The following TENM1 variants were observed in gnomAD, a reference collection of about 807,000 sequenced individuals.
The protein encoded by TENM1 is teneurin-1.
In TENM1, 35 loss-of-function variants were observed where a neutral mutation model predicts 174.8. The observed-to-expected ratio is 0.20, with a 90% CI of 0.15 to 0.27. The LOEUF is 0.27. Among genes scored for constraint, TENM1 ranks in the 10% least tolerant of loss-of-function variants. TENM1 has a pLI of 1.00. For synonymous variants in TENM1, 781 were observed against 798.7 expected (o/e 0.98, Z 0.37); for missense variants, 1,633 against 2,130.1 (o/e 0.77, Z 4.59).
At chrX:125,108,377 T>C in the TENM1 span, among the ~76,000 whole-genome samples, 1 of 111,841 alleles carries the variant, frequency 8.9e-6, no homozygotes, top group Non-Finnish European at 1.9e-5. Flanking sequence ...CTCAGTTTCC[T>C]CACTTATTAA....
At chrX:124,837,529 G>C (rs1373441211) in intron 3 of TENM1, among the ~76,000 whole-genome samples, 2 of 112,217 alleles carry the variant, frequency 1.8e-5, no homozygotes, top group African/African-American at 6.5e-5. Context: ...GGAAACAAAG[G>C]CAGAAATGTT....
chrX:125,083,528 A>G, the TENM1 span, among the ~76,000 whole-genome samples: 1 of 110,324 alleles, frequency 9.1e-6, no homozygotes, highest in Admixed American at 9.7e-5. Context: ...CACACATCAT[A>G]CACACACATA....
At chrX:125,031,512 T>C in the TENM1 span, among the ~76,000 whole-genome samples, 1 of 112,186 alleles carries the variant, frequency 8.9e-6, no homozygotes, top group African/African-American at 3.2e-5. Context: ...AATTTTCATT[T>C]GTATTTTAAG....
the TENM1 span, among the ~76,000 whole-genome samples, chrX:125,148,062 T>A: frequency 9.0e-6 from 1 of 111,194 alleles, no homozygotes; most frequent in Non-Finnish European, 1.9e-5. Context: ...GGAAGAAATG[T>A]CCTCTTAATT....
At chrX:125,065,176 A>T in the TENM1 span, among the ~76,000 whole-genome samples, 3 of 112,306 alleles carry the variant, frequency 2.7e-5, no homozygotes, top group Admixed American at 9.4e-5. Flanking sequence ...GCAAAAGCAG[A>T]CAGGTCAAAA....
At chrX:125,174,131 C>T in the TENM1 span, among the ~76,000 whole-genome samples, 1 of 111,029 alleles carries the variant, frequency 9.0e-6, no homozygotes, top group African/African-American at 3.3e-5. Flanking sequence ...GGGATCCAAC[C>T]TCGGAAATAT....
rs148386942 is a variant in TENM1, at chrX:124,384,361, T to A, written c.6570A>T (p.Leu2190Phe). ...TAAGACGAGCACTCTTCCCATGGCT[T>A]AAGAGGTTGATGTTTCCATTCAGAT... is the stretch of plus-strand genomic sequence containing the variant. Residue 2190 changes from leucine to phenylalanine, a missense_variant, in exon 30 of 32, where the codon TTA becomes TTT. Physicochemically the swap from Leu to Phe is conservative, Grantham distance 22. Coordinates refer to ENST00000422452, the Ensembl canonical transcript of TENM1. The A allele has an allele frequency of 4.8e-5, 58 of 1,209,457 alleles. No individual in the cohort carries two copies. The African/African-American group carries it at 9.3e-4, about 19-fold the overall frequency.
chrX:125,169,368 T>C, the TENM1 span, among the ~76,000 whole-genome samples: 1 of 111,517 alleles, frequency 9.0e-6, no homozygotes, highest in South Asian at 3.7e-4. Context: ...TAATGTAGGA[T>C]GAAAAAAATA....
At chrX:124,571,466 G>A (rs2049052544) in intron 11 of TENM1, among the ~76,000 whole-genome samples, 1 of 111,005 alleles carries the variant, frequency 9.0e-6, no homozygotes, top group African/African-American at 3.3e-5. Flanking sequence ...GTAGATGAAG[G>A]ACACAACAAA....
At chrX:124,995,192 G>C in the TENM1 span, among the ~76,000 whole-genome samples, 1 of 110,616 alleles carries the variant, frequency 9.0e-6, no homozygotes, top group Non-Finnish European at 1.9e-5. Flanking sequence ...TCCTAACTAT[G>C]TCAAATCCTC....
chrX:125,054,569 G>A, the TENM1 span, among the ~76,000 whole-genome samples: 1 of 111,017 alleles, frequency 9.0e-6, no homozygotes, highest in South Asian at 3.8e-4. Flanking sequence ...AAATAATTTG[G>A]CTGATTTCTT....
chrX:124,893,677 C>CA (rs1248061395), intron 3 of TENM1, among the ~76,000 whole-genome samples: 1 of 111,683 alleles, frequency 9.0e-6, no homozygotes, highest in Non-Finnish European at 1.9e-5. Flanking sequence ...TATCCCTCTC[C>CA]AAAGGGGCAA....
At chrX:124,569,130 C>T (rs886797730) in intron 11 of TENM1, among the ~76,000 whole-genome samples, 1 of 110,687 alleles carries the variant, frequency 9.0e-6, no homozygotes, top group Non-Finnish European at 1.9e-5. Flanking sequence ...CCCAGGAGGT[C>T]GAGGCTGCAG....
At chrX:124,773,003 C>T (rs1049163167) in intron 3 of TENM1, among the ~76,000 whole-genome samples, 1 of 112,014 alleles carries the variant, frequency 8.9e-6, no homozygotes, top group Non-Finnish European at 1.9e-5. Context: ...TATTTCCTCA[C>T]TGTTTCTCAG....
chrX:125,072,837 C>T, the TENM1 span, among the ~76,000 whole-genome samples: 1 of 111,687 alleles, frequency 9.0e-6, no homozygotes, highest in South Asian at 3.7e-4. Flanking sequence ...GCTACATTCA[C>T]ATAATAATAT....
At chrX:124,506,577 T>C (rs1394470674) in intron 18 of TENM1, among the ~76,000 whole-genome samples, 1 of 112,215 alleles carries the variant, frequency 8.9e-6, no homozygotes, top group African/African-American at 3.2e-5. Context: ...AATGAAGTTA[T>C]AATTTATATT....
At chrX:124,660,951 T>A in intron 6 of TENM1, among the ~76,000 whole-genome samples, 1 of 112,546 alleles carries the variant, frequency 8.9e-6, no homozygotes, top group East Asian at 2.8e-4. Context: ...AGAATCATTA[T>A]TCACAATAGC....
chrX:124,990,966 A>T, the TENM1 span, among the ~76,000 whole-genome samples: 4 of 111,417 alleles, frequency 3.6e-5, no homozygotes, highest in Admixed American at 2.9e-4. Context: ...TGTGCTAGTC[A>T]CTAAGGCCAT....
At chrX:125,099,832 T>C in the TENM1 span, among the ~76,000 whole-genome samples, 4 of 112,238 alleles carry the variant, frequency 3.6e-5, no homozygotes, top group African/African-American at 3.2e-5. Context: ...CCCTGGATGA[T>C]AAAACCACTA....
Sources: allele counts gnomAD v4.1 joint callset (sites outside exome capture counted in the v4.1 genomes callset), GRCh38; gene constraint gnomAD v4.1.1; transcripts MANE v1.5; gene names NCBI Gene and HGNC (gene_info 2026-07-23, HGNC 2026-07-21).